Variants in DENND1A observed in about 807,000 individuals in gnomAD.
DENND1A encodes DENN domain containing 1A, also known as DENN domain-containing protein 1A.
Under a neutral mutation model 113.7 loss-of-function variants are expected in DENND1A, and 51 were observed. That is an observed-to-expected ratio of 0.45 (90% CI 0.36 to 0.57). The LOEUF (loss-of-function observed/expected upper bound fraction) is 0.57. DENND1A is among the 20% of genes least tolerant of loss of function. The pLI is 0.00. For synonymous variants in DENND1A, 565 were observed against 570.8 expected, an observed-to-expected ratio of 0.99 and a Z score of 0.14; for missense variants, 1,258 against 1,395.9, an observed-to-expected ratio of 0.90 and a Z score of 1.57.
In DENND1A at chr9:123,837,338, G is replaced by A. The variant is rs12350293; in HGVS notation, c.88+41613C>T. On this transcript the variant is annotated intron_variant, in intron 2 of 23. Transcript: ENST00000394215. ...CCCCTTGCCTGCCCCCAAGAGGATC[G>A]ACCATCTTTCAACAAACCAGGTCAA... Among the ~76,000 whole-genome samples, 694 of 152,132 alleles carry A rather than the reference G, an allele frequency of 4.6e-3. 4 individuals carry two copies. Among genetic ancestry groups the A allele is most frequent in the African/African-American group, 0.016 (645 of 41,490 alleles).
chr9:123,803,529 C>T lies in DENND1A; in HGVS notation c.89-10899G>A, dbSNP rs140511051. 4.6e-3 allele frequency among the ~76,000 whole-genome samples: 708 copies of T among 152,262 alleles called. 2 individuals carry two copies. Among genetic ancestry groups the T allele is most frequent in the Non-Finnish European group, 7.5e-3 (512 of 67,994 alleles). ...CACAAGCCCCACCACCACCTCTATT[C>T]TCCCACCACCTCTGCCCCACAGACT... On this transcript the variant is annotated intron_variant, in intron 2 of 23. Coordinates refer to ENST00000394215, the MANE Select transcript of DENND1A (RefSeq NM_001352964.2).
Position 123,622,340 on chromosome 9 carries a change from A to T in DENND1A, c.719+8036T>A, listed in dbSNP as rs369017692. 1.4e-4 allele frequency among the ~76,000 whole-genome samples: 22 copies of T among 152,344 alleles called. No individual in the cohort carries two copies. In the East Asian group the frequency reaches 4.2e-3, roughly 29 times the overall value. On this transcript the variant is annotated intron_variant, in intron 10 of 23. Coordinates refer to ENST00000394215, the MANE Select transcript of DENND1A (RefSeq NM_001352964.2). ...AATTGATTTGTGGTCCCTATTTAGG[A>T]CTACTTCTGAAGGAGGAAGGGGGAA...
rs769321389 is a variant in DENND1A, at chr9:123,441,616, A to ATT, written c.1357-1126_1357-1125insAA. On this transcript the variant is annotated intron_variant, in intron 18 of 23. Transcript: ENST00000394215. ...ACTATACACGTGGGTCATTTGGAAC[A>ATT]TGGATGGGGCCACTCATGCAATAAG... 1.3e-3 allele frequency among the ~76,000 whole-genome samples: 202 copies of ATT among 152,214 alleles called. 1 individual carries two copies. Among genetic ancestry groups the ATT allele is most frequent in the Non-Finnish European group, 2.2e-3 (152 of 68,050 alleles).
intron 4 of DENND1A, among the ~76,000 whole-genome samples, chr9:123,758,231 A>G (rs1343866216): frequency 6.6e-6 from 1 of 152,236 alleles, no homozygotes; most frequent in Non-Finnish European, 1.5e-5. Context: ...CTGATTCCAC[A>G]GGCCACTCTA....
chr9:123,576,236 C>A (rs1415830572), intron 12 of DENND1A, among the ~76,000 whole-genome samples: 5 of 152,162 alleles, frequency 3.3e-5, no homozygotes, highest in African/African-American at 1.2e-4. Context: ...TTCTATTCTC[C>A]ACCCCCTACT....
intron 2 of DENND1A, among the ~76,000 whole-genome samples, chr9:123,862,988 T>C (rs1457885512): frequency 1.3e-5 from 2 of 152,196 alleles, no homozygotes; most frequent in African/African-American, 4.8e-5. Context: ...GAAAATAGGA[T>C]TGTGATGGAG....
At chr9:123,781,494 C>G (rs931000295) in intron 3 of DENND1A, among the ~76,000 whole-genome samples, 1 of 152,134 alleles carries the variant, frequency 6.6e-6, no homozygotes, top group African/African-American at 2.4e-5. Context: ...GATGTAGATA[C>G]AATATCAGAC....
chr9:123,665,317 T>C (rs968847049), intron 8 of DENND1A, among the ~76,000 whole-genome samples: 1 of 152,144 alleles, frequency 6.6e-6, no homozygotes, highest in Admixed American at 6.5e-5. Flanking sequence ...GAGAGCTAAA[T>C]GAGAAAATGG....
chr9:123,682,201 G>A (rs2064508593), intron 5 of DENND1A, among the ~76,000 whole-genome samples: 1 of 152,148 alleles, frequency 6.6e-6, no homozygotes, highest in South Asian at 2.1e-4. Context: ...ATAATGCTCT[G>A]GCTCTCCTAT....
intron 13 of DENND1A, among the ~76,000 whole-genome samples, chr9:123,458,206 G>A (rs548453664): frequency 6.6e-6 from 1 of 151,964 alleles, no homozygotes; most frequent in South Asian, 2.1e-4. Context: ...TCACCATGTT[G>A]GTCAGGCTGG....
chr9:123,603,217 A>C (rs1231709907), intron 11 of DENND1A, among the ~76,000 whole-genome samples: 2 of 152,262 alleles, frequency 1.3e-5, no homozygotes, highest in East Asian at 3.8e-4. Context: ...AAATGAAAAG[A>C]AAAAACTAGT....
At chr9:123,482,451 T>G (rs1294436145) in intron 13 of DENND1A, among the ~76,000 whole-genome samples, 2 of 152,224 alleles carry the variant, frequency 1.3e-5, no homozygotes, top group Non-Finnish European at 2.9e-5. Flanking sequence ...AAATACCTCT[T>G]GCCTATCATT....
chr9:123,519,549 C>T (rs906809009), intron 13 of DENND1A, among the ~76,000 whole-genome samples: 2 of 152,014 alleles, frequency 1.3e-5, no homozygotes, highest in East Asian at 1.9e-4. Flanking sequence ...GTGATCCTTG[C>T]GTCTCAGCCT....
intron 13 of DENND1A, among the ~76,000 whole-genome samples, chr9:123,552,204 G>A (rs914491247): frequency 7.2e-5 from 11 of 152,102 alleles, no homozygotes; most frequent in East Asian, 1.9e-4. Context: ...GGCAGGCCAC[G>A]GACTGGAGCT....
At chr9:123,846,597 G>A (rs1183700047) in intron 2 of DENND1A, among the ~76,000 whole-genome samples, 3 of 152,140 alleles carry the variant, frequency 2.0e-5, no homozygotes, top group African/African-American at 7.2e-5. Flanking sequence ...AAACCAGACA[G>A]AAAAGGACAA....
chr9:123,664,295 A>T (rs2063390012), intron 8 of DENND1A, among the ~76,000 whole-genome samples: 1 of 152,176 alleles, frequency 6.6e-6, no homozygotes, highest in Admixed American at 6.5e-5. Flanking sequence ...TTCTATATTC[A>T]TATTGCCTAT....
chr9:123,715,660 A>T (rs1301226739), intron 5 of DENND1A, among the ~76,000 whole-genome samples: 1 of 152,096 alleles, frequency 6.6e-6, no homozygotes, highest in Non-Finnish European at 1.5e-5. Context: ...TGCTATAGGC[A>T]CTGGATCTGT....
intron 5 of DENND1A, among the ~76,000 whole-genome samples, chr9:123,741,809 A>G (rs1180597811): frequency 6.6e-6 from 1 of 152,238 alleles, no homozygotes; most frequent in African/African-American, 2.4e-5. Flanking sequence ...TATTTGAGCA[A>G]CATAGCACAA....
intron 1 of DENND1A, among the ~76,000 whole-genome samples, chr9:123,909,413 T>C (rs1445837637): frequency 1.4e-5 from 2 of 143,512 alleles, no homozygotes; most frequent in South Asian, 2.1e-4. Flanking sequence ...AAAATAAAAA[T>C]AAATAAAAAA....
Sources: allele counts gnomAD v4.1 joint callset (sites outside exome capture counted in the v4.1 genomes callset), GRCh38; gene constraint gnomAD v4.1.1; transcripts MANE v1.5; gene names NCBI Gene and HGNC (gene_info 2026-07-23, HGNC 2026-07-21).